Variants in PLCB1 observed in about 807,000 individuals in gnomAD.
PLCB1 encodes the protein 1-phosphatidylinositol 4,5-bisphosphate phosphodiesterase beta-1.
In PLCB1, 46 loss-of-function variants were observed where a neutral mutation model predicts 161.8. That is an observed-to-expected ratio of 0.28 (90% CI 0.22 to 0.36). The LOEUF is 0.36. PLCB1 is among the 10% of genes least tolerant of loss of function. PLCB1 has a pLI of 1.00. For missense variants in PLCB1, 1,016 were observed against 1,472.5 expected, an observed-to-expected ratio of 0.69 and a Z score of 5.07; for synonymous variants, 517 against 503.7, an observed-to-expected ratio of 1.03 and a Z score of -0.35.
intron 31 of PLCB1, among the ~76,000 whole-genome samples, chr20:8,796,531 A>C (rs1050060476): frequency 6.6e-6 from 1 of 152,234 alleles, no homozygotes; most frequent in Non-Finnish European, 1.5e-5. Flanking sequence ...CCAAACTTGC[A>C]GAGTGGAAAC....
intron 14 of PLCB1, among the ~76,000 whole-genome samples, chr20:8,720,396 T>G (rs1241611358): frequency 1.3e-5 from 2 of 152,218 alleles, no homozygotes; most frequent in African/African-American, 2.4e-5. Context: ...TTTTGGACAT[T>G]TTAATATGTA....
At chr20:8,639,081 G>A (rs1258843481) in intron 4 of PLCB1, among the ~76,000 whole-genome samples, 1 of 152,128 alleles carries the variant, frequency 6.6e-6, no homozygotes. Context: ...GACAGTGATA[G>A]GTAAAGAAAG....
intron 10 of PLCB1, among the ~76,000 whole-genome samples, chr20:8,690,172 C>G (rs1411906169): frequency 6.9e-6 from 1 of 144,612 alleles, no homozygotes; most frequent in East Asian, 2.0e-4. Flanking sequence ...TATCTTGCTC[C>G]CTTTTCTGAG....
intron 3 of PLCB1, among the ~76,000 whole-genome samples, chr20:8,449,340 C>T (rs962524836): frequency 5.3e-5 from 8 of 152,292 alleles, no homozygotes; most frequent in Admixed American, 1.3e-4. Flanking sequence ...CTGTAGCAGA[C>T]GCTGGTGATT....
intron 2 of PLCB1, among the ~76,000 whole-genome samples, chr20:8,228,844 A>C (rs1255416363): frequency 3.9e-5 from 6 of 152,154 alleles, no homozygotes; most frequent in Non-Finnish European, 7.3e-5. Flanking sequence ...TGATCAAATC[A>C]GGGTAATTAG....
chr20:8,344,452 C>G (rs983500975), intron 2 of PLCB1, among the ~76,000 whole-genome samples: 1 of 152,214 alleles, frequency 6.6e-6, no homozygotes, highest in African/African-American at 2.4e-5. Context: ...AATTTGATTT[C>G]TCTATTGCAT....
chr20:8,809,954 A>G (rs1197297239), intron 31 of PLCB1, among the ~76,000 whole-genome samples: 7 of 152,202 alleles, frequency 4.6e-5, no homozygotes, highest in African/African-American at 1.7e-4. Context: ...TGCTAGTACT[A>G]GCTCACAGCT....
At chr20:8,667,051 C>T (rs1989828726) in intron 9 of PLCB1, among the ~76,000 whole-genome samples, 1 of 152,084 alleles carries the variant, frequency 6.6e-6, no homozygotes, top group Non-Finnish European at 1.5e-5. Flanking sequence ...CCATTTAAGT[C>T]ATTTTATATA....
chr20:8,338,559 A>G (rs1249631106), intron 2 of PLCB1, among the ~76,000 whole-genome samples: 2 of 152,234 alleles, frequency 1.3e-5, no homozygotes, highest in Non-Finnish European at 2.9e-5. Context: ...AAAGTCATCA[A>G]TAAAGAGGTA....
chr20:8,429,055 T>G (rs1451392848), intron 3 of PLCB1, among the ~76,000 whole-genome samples: 9 of 151,944 alleles, frequency 5.9e-5, no homozygotes, highest in Non-Finnish European at 1.3e-4. Context: ...TGAGAGGAGG[T>G]TTATTGTATG....
chr20:8,420,862 A>G (rs1272052745), intron 3 of PLCB1, among the ~76,000 whole-genome samples: 2 of 152,204 alleles, frequency 1.3e-5, no homozygotes, highest in Non-Finnish European at 2.9e-5. Context: ...GGTCCAAATC[A>G]GAAGAGAAAA....
At chr20:8,213,461 A>G (rs1978942265) in intron 2 of PLCB1, among the ~76,000 whole-genome samples, 1 of 152,130 alleles carries the variant, frequency 6.6e-6, no homozygotes. Flanking sequence ...AATCAGAGAC[A>G]TACAAAGGCC....
At chr20:8,154,868 A>C (rs1254787630) in intron 2 of PLCB1, among the ~76,000 whole-genome samples, 2 of 152,166 alleles carry the variant, frequency 1.3e-5, no homozygotes, top group African/African-American at 4.8e-5. Flanking sequence ...GACTTTCTTA[A>C]CATCTAATTT....
chr20:8,399,286 C>T (rs971603156), intron 3 of PLCB1, among the ~76,000 whole-genome samples: 6 of 151,882 alleles, frequency 4.0e-5, no homozygotes, highest in Non-Finnish European at 5.9e-5. Context: ...ATTTAAAAGT[C>T]CAATTGTATA....
At chr20:8,762,115 C>T (rs1982071391) in intron 25 of PLCB1, among the ~76,000 whole-genome samples, 1 of 152,064 alleles carries the variant, frequency 6.6e-6, no homozygotes, top group Non-Finnish European at 1.5e-5. Flanking sequence ...GAAGCTGAGG[C>T]AGGAAATTCG....
intron 31 of PLCB1, chr20:8,802,244 G>T: frequency 3.9e-6 from 3 of 774,872 alleles, no homozygotes; most frequent in African/African-American, 3.5e-5. Context: ...CAGGCATCAC[G>T]GACTTGCTCG....
At chr20:8,232,868 A>G (rs1296802992) in intron 2 of PLCB1, among the ~76,000 whole-genome samples, 1 of 152,166 alleles carries the variant, frequency 6.6e-6, no homozygotes, top group Non-Finnish European at 1.5e-5. Context: ...CTCTGCAGGC[A>G]TGGTCCAATA....
intron 3 of PLCB1, among the ~76,000 whole-genome samples, chr20:8,617,756 T>A (rs1342038637): frequency 6.6e-6 from 1 of 152,216 alleles, no homozygotes; most frequent in Non-Finnish European, 1.5e-5. Context: ...GAATTGTGAA[T>A]CTTCCAATCG....
intron 2 of PLCB1, among the ~76,000 whole-genome samples, chr20:8,194,435 G>A (rs1415850257): frequency 6.6e-6 from 1 of 151,962 alleles, no homozygotes; most frequent in East Asian, 1.9e-4. Flanking sequence ...GTGTACAGCT[G>A]AATTTTTAAT....
Sources: allele counts gnomAD v4.1 joint callset (sites outside exome capture counted in the v4.1 genomes callset), GRCh38; gene constraint gnomAD v4.1.1; transcripts MANE v1.5; gene names NCBI Gene and HGNC (gene_info 2026-07-23, HGNC 2026-07-21).